STAU2: variants seen among roughly 807,000 people sequenced by gnomAD.
STAU2 encodes double-stranded RNA-binding protein Staufen homolog 2.
In STAU2, 20 loss-of-function variants were observed where a neutral mutation model predicts 65.9. That is an observed-to-expected ratio of 0.30 (90% CI 0.21 to 0.44). The LOEUF (loss-of-function observed/expected upper bound fraction) is 0.44, where lower values mean the gene tolerates loss of function less well. Ranked by LOEUF, STAU2 falls within the 20% of genes least tolerant of loss-of-function variation. The probability of loss-of-function intolerance (pLI) is 1.00; values close to 1 mark genes in which losing one functional copy is unlikely to be tolerated. For synonymous variants in STAU2, 232 were observed against 233.9 expected (o/e 0.99, Z 0.07); for missense variants, 558 against 683.9 (o/e 0.82, Z 2.05).
chr8:73,688,907 A>G lies in STAU2; in HGVS notation c.115-94T>C, dbSNP rs1054394113. 5.5e-6 allele frequency: 8 copies of G among 1,447,612 alleles called. No homozygotes were observed. In the African/African-American group the frequency reaches 1.1e-4, roughly 20 times the overall value. 89.7% of individuals were successfully genotyped at this position (1,447,612 alleles called of 1,614,324 possible). A position where few individuals can be genotyped will look rare whatever the true frequency, so the allele number is the denominator to read the frequency against. Reference sequence around the variant, plus strand: ...AGAAAAATAAACATCATAGAATCAGAATTTTAGAGCTAGAGGTGACCTTAC... The same window carrying G: ...AGAAAAATAAACATCATAGAATCAGGATTTTAGAGCTAGAGGTGACCTTAC... On this transcript the variant is annotated intron_variant, in intron 4 of 14. Transcript: ENST00000524300.
chr8:73,481,500 C>CAAA (rs766805913), intron 13 of STAU2, among the ~76,000 whole-genome samples: 30 of 60,004 alleles, frequency 5.0e-4, no homozygotes, highest in South Asian at 1.8e-3. Flanking sequence ...CAAAATAAGC[C>CAAA]AAAAAAACAA....
At chr8:73,525,426 A>C (rs1265702535) in intron 13 of STAU2, among the ~76,000 whole-genome samples, 2 of 152,182 alleles carry the variant, frequency 1.3e-5, no homozygotes, top group African/African-American at 4.8e-5. Context: ...CTTGAGGAAG[A>C]GGCACTTTTT....
At chr8:73,721,514 C>A (rs75645448) in intron 3 of STAU2, among the ~76,000 whole-genome samples, 1 of 152,094 alleles carries the variant, frequency 6.6e-6, no homozygotes, top group Non-Finnish European at 1.5e-5. Flanking sequence ...TTACTAAAAT[C>A]TCCAATTATG....
chr8:73,538,588 A>C (rs1411084975), intron 13 of STAU2, among the ~76,000 whole-genome samples: 4 of 151,936 alleles, frequency 2.6e-5, no homozygotes, highest in African/African-American at 9.7e-5. Flanking sequence ...TACAGAAAAA[A>C]TTTCTAGTAT....
At chr8:73,495,397 T>C (rs1190068852) in intron 13 of STAU2, among the ~76,000 whole-genome samples, 1 of 151,434 alleles carries the variant, frequency 6.6e-6, no homozygotes, top group East Asian at 1.9e-4. Flanking sequence ...TAATAAGAAA[T>C]AGTCAAAATG....
intron 9 of STAU2, among the ~76,000 whole-genome samples, chr8:73,604,400 T>G: frequency 6.6e-6 from 1 of 152,004 alleles, no homozygotes; most frequent in Non-Finnish European, 1.5e-5. Flanking sequence ...CAGCTAATTT[T>G]TATATTTTTA....
intron 13 of STAU2, among the ~76,000 whole-genome samples, chr8:73,488,391 A>G (rs768469371): frequency 1.3e-5 from 2 of 152,072 alleles, no homozygotes; most frequent in Non-Finnish European, 2.9e-5. Flanking sequence ...GACAGATCCC[A>G]GCATTTATGT....
chr8:73,481,516 C>CAAAAA (rs33917654), intron 13 of STAU2, among the ~76,000 whole-genome samples: 1 of 137,588 alleles, frequency 7.3e-6, no homozygotes, highest in East Asian at 2.2e-4. Context: ...AACAAAAAAA[C>CAAAAA]AAAAAAAAAA....
chr8:73,553,229 T>C (rs1430235917), intron 12 of STAU2, among the ~76,000 whole-genome samples: 3 of 152,178 alleles, frequency 2.0e-5, no homozygotes, highest in Non-Finnish European at 4.4e-5. Context: ...TCAAATGATA[T>C]TATCTTTTAA....
intron 13 of STAU2, among the ~76,000 whole-genome samples, chr8:73,447,963 G>A (rs1322215787): frequency 6.6e-6 from 1 of 152,126 alleles, no homozygotes; most frequent in Non-Finnish European, 1.5e-5. Flanking sequence ...ACTGGCTACG[G>A]CATCCATCGA....
At chr8:73,490,725 C>G (rs1187759263) in intron 13 of STAU2, among the ~76,000 whole-genome samples, 2 of 152,014 alleles carry the variant, frequency 1.3e-5, no homozygotes, top group Non-Finnish European at 2.9e-5. Context: ...CTCAAGAATT[C>G]TACATTACTT....
chr8:73,462,515 C>A (rs1246523867), intron 13 of STAU2, among the ~76,000 whole-genome samples: 1 of 152,098 alleles, frequency 6.6e-6, no homozygotes, highest in African/African-American at 2.4e-5. Context: ...CCCACCTCAG[C>A]CCTCCAAGTA....
chr8:73,667,144 T>C (rs750167433), intron 6 of STAU2, among the ~76,000 whole-genome samples: 2 of 152,148 alleles, frequency 1.3e-5, no homozygotes, highest in African/African-American at 2.4e-5. Context: ...TAAATATCTA[T>C]AGACACTGTC....
At chr8:73,510,915 A>C (rs1822361572) in intron 13 of STAU2, among the ~76,000 whole-genome samples, 1 of 152,252 alleles carries the variant, frequency 6.6e-6, no homozygotes, top group Admixed American at 6.5e-5. Flanking sequence ...GAAGCTCTTC[A>C]AATCTATTTG....
chr8:73,686,624 T>C (rs1164665447), intron 5 of STAU2, among the ~76,000 whole-genome samples: 9 of 151,230 alleles, frequency 6.0e-5, no homozygotes, highest in South Asian at 4.2e-4. Context: ...AGACTACACA[T>C]TGGGTACAGC....
intron 13 of STAU2, among the ~76,000 whole-genome samples, chr8:73,486,123 G>C (rs1250974277): frequency 6.6e-6 from 1 of 152,026 alleles, no homozygotes; most frequent in Non-Finnish European, 1.5e-5. Context: ...TTGCCAATTA[G>C]GTACATAATA....
intron 3 of STAU2, among the ~76,000 whole-genome samples, chr8:73,730,778 G>GTTGCTGAA (rs953625541): frequency 2.0e-5 from 3 of 148,876 alleles, no homozygotes; most frequent in African/African-American, 7.4e-5. Flanking sequence ...ATATTTTGCT[G>GTTGCTGAA]TTGCTGAATG....
chr8:73,588,780 T>G (rs1459891575), intron 11 of STAU2, among the ~76,000 whole-genome samples: 1 of 151,952 alleles, frequency 6.6e-6, no homozygotes, highest in East Asian at 1.9e-4. Flanking sequence ...GGTCTGCAAA[T>G]GCTGGGAAAT....
At chr8:73,734,666 C>T (rs1806305458) in intron 3 of STAU2, among the ~76,000 whole-genome samples, 1 of 151,988 alleles carries the variant, frequency 6.6e-6, no homozygotes, top group South Asian at 2.1e-4. Flanking sequence ...TGGTGGCATG[C>T]GCTTGTGATC....
Sources: gnomAD v4.1 joint callset for allele counts (sites outside exome capture counted in the v4.1 genomes callset) on GRCh38, gnomAD v4.1.1 for gene constraint, MANE v1.5 for transcripts, NCBI Gene and HGNC (gene_info 2026-07-23, HGNC 2026-07-21) for gene names.